The following ARHGAP15 variants were observed in gnomAD, a reference collection of about 807,000 sequenced individuals.
ARHGAP15 encodes the protein rho GTPase-activating protein 15.
ARHGAP15 carries 51 observed loss-of-function variants against 63.7 expected under a neutral mutation model. The observed-to-expected ratio is 0.80, with a 90% CI of 0.64 to 1.01. ARHGAP15 has a LOEUF of 1.01. Ranked by LOEUF, ARHGAP15 falls within the 50% of genes least tolerant of loss-of-function variation. The pLI is 0.00. For synonymous variants in ARHGAP15, 191 were observed against 193.8 expected, an observed-to-expected ratio of 0.99 and a Z score of 0.12; for missense variants, 560 against 564.6, an observed-to-expected ratio of 0.99 and a Z score of 0.08.
intron 8 of ARHGAP15, among the ~76,000 whole-genome samples, chr2:143,441,152 G>C (rs557018482): frequency 6.6e-6 from 1 of 152,180 alleles, no homozygotes; most frequent in African/African-American, 2.4e-5. Context: ...GACAGGGCTT[G>C]AGCCTGGTGG....
intron 12 of ARHGAP15, among the ~76,000 whole-genome samples, chr2:143,661,726 G>A (rs929816476): frequency 1.2e-4 from 18 of 152,226 alleles, no homozygotes; most frequent in East Asian, 1.9e-4. Flanking sequence ...CACACCGTGC[G>A]TGAGCCGAAG....
chr2:143,613,206 C>A (rs1025103722), intron 11 of ARHGAP15, among the ~76,000 whole-genome samples: 1 of 152,052 alleles, frequency 6.6e-6, no homozygotes, highest in Non-Finnish European at 1.5e-5. Flanking sequence ...TTTCTTTTTC[C>A]CTCATCATAA....
At chr2:143,329,605 T>A (rs940654700) in intron 6 of ARHGAP15, among the ~76,000 whole-genome samples, 4 of 152,102 alleles carry the variant, frequency 2.6e-5, no homozygotes, top group Admixed American at 2.6e-4. Context: ...TTCTAACCCA[T>A]GGAAACTGTG....
intron 6 of ARHGAP15, among the ~76,000 whole-genome samples, chr2:143,400,895 T>A (rs969000173): frequency 3.3e-5 from 5 of 152,048 alleles, no homozygotes; most frequent in African/African-American, 1.2e-4. Flanking sequence ...CATTTCAGTG[T>A]AGAATGAAAG....
At chr2:143,424,520 T>C (rs1298569260) in intron 6 of ARHGAP15, among the ~76,000 whole-genome samples, 3 of 151,964 alleles carry the variant, frequency 2.0e-5, no homozygotes, top group African/African-American at 4.8e-5. Flanking sequence ...AGAGAGGGCA[T>C]AGGGACAGCT....
intron 6 of ARHGAP15, among the ~76,000 whole-genome samples, chr2:143,373,835 ATACT>A (rs1410836181): frequency 6.6e-6 from 1 of 152,130 alleles, no homozygotes; most frequent in Non-Finnish European, 1.5e-5. Flanking sequence ...ATGACTTAAC[ATACT>A]TAGTGTAATA....
At chr2:143,444,195 G>A (rs1690026271) in intron 8 of ARHGAP15, among the ~76,000 whole-genome samples, 1 of 152,072 alleles carries the variant, frequency 6.6e-6, no homozygotes, top group East Asian at 1.9e-4. Flanking sequence ...TAGGTCAAAT[G>A]GCATCTTGCT....
At chr2:143,480,283 C>T (rs371810728) in intron 8 of ARHGAP15, among the ~76,000 whole-genome samples, 17 of 152,234 alleles carry the variant, frequency 1.1e-4, no homozygotes, top group East Asian at 3.9e-4. Flanking sequence ...TGACAGTAGA[C>T]GCCAGCTGTT....
chr2:143,372,320 C>A (rs963786687), intron 6 of ARHGAP15, among the ~76,000 whole-genome samples: 1 of 132,780 alleles, frequency 7.5e-6, no homozygotes, highest in South Asian at 2.3e-4. Flanking sequence ...TCCAGCCTGG[C>A]GACAAAAAAT....
Position 143,762,735 on chromosome 2 carries a change from T to TATTA in ARHGAP15, c.1245-5253_1245-5250dup, listed in dbSNP as rs1378147312. ...TTTCTGCAGGACTTTTCAGAGCCTT[T>TATTA]ATTATGCTTTTATGCATTGTGAATA... On this transcript the variant is annotated intron_variant, in intron 13 of 13. Transcript: ENST00000295095. Among the ~76,000 whole-genome samples the TATTA allele has an allele frequency of 2.6e-5, 4 of 152,222 alleles. No individual in the cohort carries two copies. In the East Asian group the frequency reaches 7.7e-4, roughly 29 times the overall value.
At chr2:143,315,612 G>C (rs1284361813) in intron 6 of ARHGAP15, among the ~76,000 whole-genome samples, 2 of 152,114 alleles carry the variant, frequency 1.3e-5, no homozygotes, top group Non-Finnish European at 2.9e-5. Flanking sequence ...TCATTGCATA[G>C]TTTCTACTAG....
chr2:143,147,996 T>C (rs1238339468), intron 1 of ARHGAP15, among the ~76,000 whole-genome samples: 2 of 152,030 alleles, frequency 1.3e-5, no homozygotes, highest in Non-Finnish European at 2.9e-5. Flanking sequence ...AACAAAATCA[T>C]CAATTTCCCC....
chr2:143,145,948 C>G (rs1689570265), intron 1 of ARHGAP15, among the ~76,000 whole-genome samples: 1 of 150,644 alleles, frequency 6.6e-6, no homozygotes, highest in Non-Finnish European at 1.5e-5. Context: ...ACACCAAACA[C>G]AAACATTATT....
At chr2:143,683,696 G>T (rs1161409929) in intron 12 of ARHGAP15, among the ~76,000 whole-genome samples, 1 of 152,026 alleles carries the variant, frequency 6.6e-6, no homozygotes, top group Non-Finnish European at 1.5e-5. Context: ...TACAAATCTT[G>T]CTCTTATTTG....
chr2:143,425,014 G>A (rs545490127), intron 6 of ARHGAP15, among the ~76,000 whole-genome samples: 1 of 152,240 alleles, frequency 6.6e-6, no homozygotes, highest in South Asian at 2.1e-4. Flanking sequence ...GTTATTAACA[G>A]TGCCTTTTGC....
chr2:143,725,296 G>A (rs141309563), intron 13 of ARHGAP15, among the ~76,000 whole-genome samples: 13 of 152,228 alleles, frequency 8.5e-5, no homozygotes, highest in Admixed American at 3.3e-4. Context: ...CTGCCTCTCC[G>A]AAGCCCACTT....
chr2:143,165,193 T>C (rs1172078870), intron 2 of ARHGAP15, among the ~76,000 whole-genome samples: 1 of 152,090 alleles, frequency 6.6e-6, no homozygotes, highest in African/African-American at 2.4e-5. Context: ...TGTAAGTACC[T>C]TTCCACAGTA....
Position 143,614,286 on chromosome 2 carries a change from T to C in ARHGAP15, c.1004-9847T>C, listed in dbSNP as rs371255193. On this transcript the variant is annotated intron_variant, in intron 11 of 13. Coordinates refer to ENST00000295095, the MANE Select transcript of ARHGAP15 (RefSeq NM_018460.4). ...AGTTATATAATAACATTTACCGTAC[T>C]TGATTACATTTTTTTCTATTTGACC... is the stretch of plus-strand genomic sequence containing the variant. Among the ~76,000 whole-genome samples, 8 of 152,322 alleles carry C rather than the reference T, an allele frequency of 5.3e-5. No homozygotes were observed. The East Asian group carries it at 1.5e-3, about 29-fold the overall frequency.
chr2:143,731,998 T>C (rs944448022), intron 13 of ARHGAP15, among the ~76,000 whole-genome samples: 1 of 152,216 alleles, frequency 6.6e-6, no homozygotes, highest in African/African-American at 2.4e-5. Flanking sequence ...GGCCAGCTTC[T>C]ATGCAAAATT....
Sources: allele counts gnomAD v4.1 joint callset (sites outside exome capture counted in the v4.1 genomes callset), GRCh38; gene constraint gnomAD v4.1.1; transcripts MANE v1.5; gene names NCBI Gene and HGNC (gene_info 2026-07-23, HGNC 2026-07-21).